The following LINGO2 variants were observed in gnomAD, a reference collection of about 807,000 sequenced individuals.
LINGO2 encodes leucine-rich repeat and immunoglobulin-like domain-containing nogo receptor-interacting protein 2.
In LINGO2, 14 loss-of-function variants were observed where a neutral mutation model predicts 30.6. The observed-to-expected ratio is 0.46, with a 90% CI of 0.30 to 0.72. The LOEUF (loss-of-function observed/expected upper bound fraction) is 0.72, where lower values mean the gene tolerates loss of function less well. LINGO2 is among the 30% of genes least tolerant of loss of function. LINGO2 has a pLI of 0.07. For synonymous variants in LINGO2, 317 were observed against 288.5 expected (o/e 1.10, Z -1.00); for missense variants, 729 against 751.7 (o/e 0.97, Z 0.35).
chr9:29,107,438 G>A, the LINGO2 span, among the ~76,000 whole-genome samples: 4 of 152,228 alleles, frequency 2.6e-5, no homozygotes, highest in South Asian at 8.3e-4. Context: ...AGGCTTTGGA[G>A]TCACCTTGGA....
At chr9:28,628,551 C>T (rs755449478) in intron 1 of LINGO2, among the ~76,000 whole-genome samples, 1 of 152,006 alleles carries the variant, frequency 6.6e-6, no homozygotes, top group Non-Finnish European at 1.5e-5. Context: ...AACTGATTTT[C>T]CAAGGCTTTT....
the LINGO2 span, among the ~76,000 whole-genome samples, chr9:29,101,992 T>C: frequency 6.6e-6 from 1 of 152,184 alleles, no homozygotes; most frequent in Non-Finnish European, 1.5e-5. Context: ...GCTTCCATAG[T>C]GCTTTATAAA....
At chr9:28,169,838 C>T (rs989157045) in intron 4 of LINGO2, among the ~76,000 whole-genome samples, 1 of 152,128 alleles carries the variant, frequency 6.6e-6, no homozygotes, top group African/African-American at 2.4e-5. Flanking sequence ...CTGGAATTTT[C>T]CCTGTCTGGA....
At chr9:28,823,869 G>A in the LINGO2 span, among the ~76,000 whole-genome samples, 1,355 of 152,230 alleles carry the variant, frequency 8.9e-3, 7 homozygotes, top group Middle Eastern at 0.037. Context: ...TATATTGACT[G>A]ACTTAGGCTG....
At chr9:28,640,904 GATTTTTAGA>G (rs1457853439) in intron 1 of LINGO2, among the ~76,000 whole-genome samples, 1 of 152,102 alleles carries the variant, frequency 6.6e-6, no homozygotes, top group Non-Finnish European at 1.5e-5. Context: ...GAGGCACGCT[GATTTTTAGA>G]ATTTTCAGTT....
At chr9:28,340,402 G>A (rs1162703782) in intron 3 of LINGO2, among the ~76,000 whole-genome samples, 3 of 151,990 alleles carry the variant, frequency 2.0e-5, no homozygotes, top group Non-Finnish European at 4.4e-5. Flanking sequence ...GCATAAAATC[G>A]AGAACACATT....
the LINGO2 span, among the ~76,000 whole-genome samples, chr9:28,877,818 A>C: frequency 1.3e-5 from 2 of 152,124 alleles, no homozygotes; most frequent in African/African-American, 4.8e-5. Flanking sequence ...TGGGGATGGC[A>C]TTGAATCTAT....
At chr9:28,227,632 TA>T (rs11312927) in intron 4 of LINGO2, among the ~76,000 whole-genome samples, 84,163 of 149,956 alleles carry the variant, frequency 0.56, 24,309 homozygotes, top group African/African-American at 0.73. Context: ...ACTCAGCAAT[TA>T]AAAAAAAAAA....
At chr9:28,241,447 AGGC>A (rs1264458210) in intron 4 of LINGO2, among the ~76,000 whole-genome samples, 5 of 152,128 alleles carry the variant, frequency 3.3e-5, no homozygotes, top group Non-Finnish European at 7.3e-5. Context: ...AGGACTGACT[AGGC>A]GGCAGGTATG....
chr9:29,111,521 G>A, the LINGO2 span, among the ~76,000 whole-genome samples: 1 of 151,714 alleles, frequency 6.6e-6, no homozygotes, highest in Non-Finnish European at 1.5e-5. Context: ...ATATACATAT[G>A]TGTAATTCAG....
chr9:28,609,780 CAT>C (rs543475254), intron 1 of LINGO2, among the ~76,000 whole-genome samples: 176 of 152,156 alleles, frequency 1.2e-3, no homozygotes, highest in Admixed American at 6.2e-3. Context: ...AATTTTTGCA[CAT>C]ATGAGTGTTT....
the LINGO2 span, among the ~76,000 whole-genome samples, chr9:29,118,060 A>G: frequency 6.6e-6 from 1 of 152,178 alleles, no homozygotes; most frequent in Admixed American, 6.5e-5. Flanking sequence ...TTGTTGACCA[A>G]GATCTCCATG....
chr9:28,870,902 G>A, the LINGO2 span, among the ~76,000 whole-genome samples: 2 of 151,938 alleles, frequency 1.3e-5, no homozygotes, highest in Non-Finnish European at 2.9e-5. Flanking sequence ...ATCAGCCAAA[G>A]GCGACAGAAA....
At chr9:28,284,144 T>C (rs1327909984) in intron 4 of LINGO2, among the ~76,000 whole-genome samples, 3 of 152,146 alleles carry the variant, frequency 2.0e-5, no homozygotes, top group African/African-American at 7.2e-5. Context: ...TCCCTGAATC[T>C]CTTTCCCTTC....
At chr9:28,263,143 C>T (rs1390665372) in intron 4 of LINGO2, among the ~76,000 whole-genome samples, 4 of 151,872 alleles carry the variant, frequency 2.6e-5, no homozygotes, top group Non-Finnish European at 5.9e-5. Context: ...GGACCGAGAC[C>T]CATTCCTGGC....
At chr9:29,189,387 C>T in the LINGO2 span, among the ~76,000 whole-genome samples, 23 of 150,024 alleles carry the variant, frequency 1.5e-4, no homozygotes, top group Non-Finnish European at 3.1e-4. Context: ...GGGCGGTTGC[C>T]GGGCAGAGGG....
At chr9:28,850,076 G>A in the LINGO2 span, among the ~76,000 whole-genome samples, 1 of 151,940 alleles carries the variant, frequency 6.6e-6, no homozygotes, top group African/African-American at 2.4e-5. Context: ...TTTTCAAACA[G>A]CTCCTTCCTT....
At chr9:28,222,842 G>A (rs964176993) in intron 4 of LINGO2, among the ~76,000 whole-genome samples, 4 of 152,048 alleles carry the variant, frequency 2.6e-5, no homozygotes, top group African/African-American at 9.7e-5. Flanking sequence ...ATGAAGAGGG[G>A]GCGATTACAT....
the LINGO2 span, among the ~76,000 whole-genome samples, chr9:29,048,709 C>G: frequency 1.3e-5 from 2 of 152,096 alleles, no homozygotes; most frequent in African/African-American, 2.4e-5. Context: ...AGGATGTACA[C>G]TGGAGAAAAG....
Sources: allele counts gnomAD v4.1 joint callset (sites outside exome capture counted in the v4.1 genomes callset), GRCh38; gene constraint gnomAD v4.1.1; transcripts MANE v1.5; gene names NCBI Gene and HGNC (gene_info 2026-07-23, HGNC 2026-07-21).